Variants in SLX4 observed in about 807,000 individuals in gnomAD.
SLX4 encodes structure-specific endonuclease subunit SLX4.
Under a neutral mutation model 146.2 loss-of-function variants are expected in SLX4, and 112 were observed. The ratio of observed to expected loss-of-function variants is 0.77; its 90% CI spans 0.66 to 0.90. SLX4 has a LOEUF of 0.90. Among genes scored for constraint, SLX4 ranks in the 40% least tolerant of loss-of-function variants. The pLI, the probability that SLX4 is intolerant of heterozygous loss-of-function variation, is 0.00. For synonymous variants in SLX4, 1,061 were observed against 997.7 expected (o/e 1.06, Z -1.20); for missense variants, 2,563 against 2,392.7 (o/e 1.07, Z -1.49).
In SLX4 at chr16:3,608,826, A is replaced by T. The variant is rs763316825; in HGVS notation, c.139T>A (p.Ser47Thr). The change falls in exon 2 of 15, where the codon TCT becomes ACT. Residue 47 changes from serine (S) to threonine (T), a missense_variant. By Grantham distance (58) the Ser-to-Thr change is moderately conservative (BLOSUM62 1). Transcript: ENST00000294008. ...CAGAGTTCTTTAAAGTCCTCATCAG[A>T]CTCATCCATCATCTGACCAGTTTTA... Reference protein sequence around the residue: ...SLKTGQMMDESDEDFKELCAS... With the variant: ...SLKTGQMMDETDEDFKELCAS... The T allele has an allele frequency of 1.2e-6, 2 of 1,613,820 alleles. No homozygotes were observed. Among genetic ancestry groups the T allele is most frequent in the African/African-American group, 2.7e-5 (2 of 74,818 alleles).
Position 3,582,322 on chromosome 16 carries a change from GT to G in SLX4, c.*19del. The G allele has an allele frequency of 6.3e-7, 1 of 1,599,360 alleles. No individual in the cohort carries two copies. The highest frequency in any genetic ancestry group is 8.5e-7 in the Non-Finnish European group (1 of 1,173,490). On this transcript the variant is annotated 3_prime_UTR_variant, in exon 15 of 15. Coordinates refer to ENST00000294008, the MANE Select transcript of SLX4 (RefSeq NM_032444.4). ...TGGGGGCTGCTGATGGCAGGTTGGG[GT>G]GGGGTCGGGATGGCCCCATCAGTTC... is the stretch of plus-strand genomic sequence containing the variant.
Position 3,589,576 on chromosome 16 carries a change from G to A in SLX4, c.4062C>T (p.Ser1354=), listed in dbSNP as rs967380920. The change falls in exon 12 of 15, where the codon TCC becomes TCT. Residue 1354 remains serine, a synonymous_variant. Transcript: ENST00000294008. This position sits in a 1 kb window ranked among gnomAD's most constrained non-coding sequence, Gnocchi z 6.2. ...SRPHPGGHPH[S]SPLAPHPISG... ...AGATGGGATGTGGAGCCAGCGGAGA[G>A]GAGTGCGGGTGGCCCCCGGGGTGGG... The A allele has an allele frequency of 6.2e-7, 1 of 1,613,180 alleles. No individual in the cohort carries two copies. Among genetic ancestry groups the A allele is most frequent in the African/African-American group, 1.3e-5 (1 of 74,932 alleles).
Position 3,599,117 on chromosome 16 carries a change from CAAGA to C in SLX4, c.1164-1122_1164-1119del, listed in dbSNP as rs1319154935. On this transcript the variant is annotated intron_variant, in intron 5 of 14. Transcript: ENST00000294008. ...GCAGGTGCTTTTGGCGTGGTCCTGC[CAAGA>C]AAGAAACAATGGCTTAGATGACGTC... Among the ~76,000 whole-genome samples the C allele has an allele frequency of 2.2e-4, 34 of 152,158 alleles. 1 individual carries two copies.
rs199991212 is a variant in SLX4 at position 3,590,559 on chromosome 16, C to A, written c.3079G>T (p.Ala1027Ser). The change falls in exon 12 of 15, where the codon GCA becomes TCA. Residue 1027 changes from alanine to serine, a missense_variant. Physicochemically the swap from Ala to Ser is moderately conservative, Grantham distance 99. Transcript: ENST00000294008. This position sits in a 1 kb window ranked among gnomAD's most constrained non-coding sequence, Gnocchi z 4.8. ...EVSHRLAPWQ[A>S]SPPHPCRFLL... ...AAGCGGCACGGGTGCGGTGGAGATG[C>A]CTGCCAGGGAGCCAGGCGATGAGAA... is the stretch of plus-strand genomic sequence containing the variant. The A allele has an allele frequency of 6.2e-7, 1 of 1,612,266 alleles. No homozygotes were observed. The highest frequency in any genetic ancestry group is 8.5e-7 in the Non-Finnish European group (1 of 1,178,404).
Position 3,591,059 on chromosome 16 carries a change from G to C in SLX4, c.2579C>G (p.Thr860Ser), listed in dbSNP as rs747515305. 1 of 1,614,140 alleles carries C rather than the reference G, an allele frequency of 6.2e-7. No individual in the cohort carries two copies. The highest frequency in any genetic ancestry group is 1.1e-5 in the South Asian group (1 of 91,088). Reference sequence around the variant, plus strand: ...TTCTTCCTGGAGAAGCTTTCGCTGAGTAGCTGCAAATTCATAAATTTCTTC... The same window carrying C: ...TTCTTCCTGGAGAAGCTTTCGCTGACTAGCTGCAAATTCATAAATTTCTTC... ...EMEEIYEFAA[T>S]QRKLLQEERA... The change falls in exon 12 of 15, where the codon ACT becomes AGT. Residue 860 changes from threonine (T) to serine (S), a missense_variant. By Grantham distance (58) the Thr-to-Ser change is moderately conservative. Coordinates refer to ENST00000294008, the MANE Select transcript of SLX4 (RefSeq NM_032444.4).
rs150206155 is a variant in SLX4 at position 3,594,534 on chromosome 16, G to A, written c.2079C>T (p.Val693=). 4.6e-5 allele frequency: 75 copies of A among 1,614,146 alleles called. No homozygotes were observed. The African/African-American group carries it at 8.0e-4, about 17-fold the overall frequency. The change falls in exon 10 of 15, where the codon GTC becomes GTT. Residue 693 remains valine (V), a synonymous_variant. Transcript: ENST00000294008. ...AMVNNPHLSD[V]QFQTDSGEVL... ...CCTCCCCGCTGTCCGTCTGAAACTGGACATCACTCAGGTGTGGGTTATTGA... is the reference window on the plus strand; with the variant it reads ...CCTCCCCGCTGTCCGTCTGAAACTGAACATCACTCAGGTGTGGGTTATTGA...
chr16:3,605,751 T>C (rs965147534), intron 3 of SLX4, among the ~76,000 whole-genome samples: 3 of 147,492 alleles, frequency 2.0e-5, no homozygotes, highest in Non-Finnish European at 4.5e-5. Context: ...ATCGAGACCA[T>C]CCTGGCTAAC....
At position 3,589,744 on chromosome 16, in the gene SLX4, G is replaced by A. The variant is rs1260811996; in HGVS notation, c.3894C>T (p.Asn1298=). 3 of 1,613,764 alleles carry A rather than the reference G, an allele frequency of 1.9e-6. No homozygotes were observed. Among genetic ancestry groups the A allele is most frequent in the Non-Finnish European group, 2.5e-6 (3 of 1,180,048 alleles). Residue 1298 remains asparagine (N), a synonymous_variant, in exon 12 of 15, where the codon AAC becomes AAT. Transcript: ENST00000294008. This position sits in a 1 kb window ranked among gnomAD's most constrained non-coding sequence, Gnocchi z 6.2. ...TCTGTGCGACTTCGTTCCCTTCCCT[G>A]TTTCCTACTGAGGCCCTGGGCGTGT... The part of the protein sequence containing the change: ...TQHTPRASVG[N]REGNEVAQKF...
rs965203375 is a variant in SLX4 at position 3,589,426 on chromosome 16, C to T, written c.4212G>A (p.Val1404=). The T allele has an allele frequency of 1.9e-6, 3 of 1,602,802 alleles. No individual in the cohort carries two copies. The African/African-American group carries it at 4.0e-5, about 21-fold the overall frequency. ...GGCTTCTGTTGGCCTGATGGGAGGCCACCTCCTGCTCATCGTCACTGTCTC... is the reference window on the plus strand; with the variant it reads ...GGCTTCTGTTGGCCTGATGGGAGGCTACCTCCTGCTCATCGTCACTGTCTC... The part of the protein sequence containing the change: ...EVGDSDDEQE[V]ASHQANRSPP... The change falls in exon 12 of 15, where the codon GTG becomes GTA. Residue 1404 remains valine (V), a synonymous_variant. Transcript: ENST00000294008. The surrounding 1 kb of genome is among the most constrained non-coding windows in gnomAD (Gnocchi z 6.2).
Position 3,584,806 on chromosome 16 carries a change from T to C in SLX4, c.4702A>G (p.Ile1568Val). Residue 1568 changes from isoleucine (I) to valine (V), a missense_variant, in exon 13 of 15, where the codon ATT (isoleucine) becomes GTT (valine). Coordinates refer to ENST00000294008, the MANE Select transcript of SLX4 (RefSeq NM_032444.4). ...VPITPMPQYSIMETPVLKKEL... is the reference protein window; with the variant it reads ...VPITPMPQYSVMETPVLKKEL... Reference sequence around the variant, plus strand: ...TTCTTCAGCACCGGCGTCTCCATAATGGAATACTGTGGCATCGGCGTTATG... The same window carrying C: ...TTCTTCAGCACCGGCGTCTCCATAACGGAATACTGTGGCATCGGCGTTATG... The C allele has an allele frequency of 6.2e-7, 1 of 1,614,134 alleles. No homozygotes were observed. The highest frequency in any genetic ancestry group is 8.5e-7 in the Non-Finnish European group (1 of 1,179,962).
rs1596527585 is a variant in SLX4 at position 3,597,574 on chromosome 16, T to C, written c.1488A>G (p.Glu496=). The C allele has an allele frequency of 6.2e-7, 1 of 1,614,104 alleles. No homozygotes were observed. Among genetic ancestry groups the C allele is most frequent in the Non-Finnish European group, 8.5e-7 (1 of 1,180,026 alleles). Residue 496 remains glutamate, a synonymous_variant, in exon 7 of 15, where the codon GAA becomes GAG. Coordinates refer to ENST00000294008, the MANE Select transcript of SLX4 (RefSeq NM_032444.4). This position sits in a 1 kb window ranked among gnomAD's most constrained non-coding sequence, Gnocchi z 4.4. Reference sequence around the variant, plus strand: ...CAGGAAGTGGTGGCGTGCTAGACAATTCCACTTCCTCAGAGAGGAGCAGGG... The same window carrying C: ...CAGGAAGTGGTGGCGTGCTAGACAACTCCACTTCCTCAGAGAGGAGCAGGG... The part of the protein sequence containing the change: ...RVALLLSEEV[E]LSSTPPLPAS...
intron 5 of SLX4, 47 bp from the exon 6 acceptor site, chr16:3,598,046 C>G: frequency 3.7e-6 from 6 of 1,609,674 alleles, no homozygotes; most frequent in Non-Finnish European, 4.3e-6. Flanking sequence ...GAGGAGTGCA[C>G]GCTTCTCAGG....
At chr16:3,588,024 G>C (rs551420118) in intron 12 of SLX4, among the ~76,000 whole-genome samples, 2 of 152,308 alleles carry the variant, frequency 1.3e-5, no homozygotes, top group Non-Finnish European at 2.9e-5. Flanking sequence ...GCACCTGGGA[G>C]GACCAGGAAG....
At chr16:3,607,245 C>G (rs2040796686) in intron 2 of SLX4, among the ~76,000 whole-genome samples, 1 of 152,106 alleles carries the variant, frequency 6.6e-6, no homozygotes, top group Non-Finnish European at 1.5e-5. Flanking sequence ...TAGATTTCAT[C>G]CGACTGGCAA....
At chr16:3,605,946 CAAAAAA>C (rs1181232820) in intron 3 of SLX4, among the ~76,000 whole-genome samples, 2 of 27,014 alleles carry the variant, frequency 7.4e-5, no homozygotes, top group African/African-American at 3.0e-4. Context: ...GACTCCATCT[CAAAAAA>C]AAAAAAAAAA....
rs1337890338 is a variant in SLX4, at chr16:3,594,616, G to A, written c.2014-17C>T. The stretch of plus-strand genomic sequence containing the variant: ...GAGGGAGAGCTGAAGCAGGAGGAGA[G>A]GAAGAGCCGTCACCTCCCCACCTCT... On this transcript the variant is annotated splice_polypyrimidine_tract_variant and intron_variant, in intron 9 of 14. Coordinates refer to ENST00000294008, the MANE Select transcript of SLX4 (RefSeq NM_032444.4). 7 of 1,613,926 alleles carry A rather than the reference G, an allele frequency of 4.3e-6. No homozygotes were observed. Among genetic ancestry groups the A allele is most frequent in the Non-Finnish European group, 4.2e-6 (5 of 1,179,934 alleles).
At position 3,608,715 on chromosome 16, in the gene SLX4, T is replaced by A. The variant is rs745886810; in HGVS notation, c.250A>T (p.Thr84Ser). ...CTTTTCAATTTGCTTCTTATCTGAG[T>A]GCCGTTTGAGGCAGCCTTTTGTGTC... ...RKTQKAASNGTQIRSKLKRTK... is the reference protein window; with the variant it reads ...RKTQKAASNGSQIRSKLKRTK... The change falls in exon 2 of 15, where the codon ACT (threonine) becomes TCT (serine). Residue 84 changes from threonine to serine, a missense_variant. By Grantham distance (58) the Thr-to-Ser change is moderately conservative. Transcript: ENST00000294008. The A allele has an allele frequency of 1.2e-6, 2 of 1,614,250 alleles. No homozygotes were observed. The highest frequency in any genetic ancestry group is 2.2e-5 in the East Asian group (1 of 44,890).
At position 3,583,140 on chromosome 16, in the gene SLX4, C is replaced by A. The variant is rs925871189; in HGVS notation, c.5110G>T (p.Ala1704Ser). ...CTGTCACTGCCATCCACAGAGGTGG[C>A]CACGGATTCTTGAGAGGCTGGGATC... ...AQIPASQESVATSVDGSDSSL... is the reference protein window; with the variant it reads ...AQIPASQESVSTSVDGSDSSL... The change falls in exon 14 of 15, where the codon GCC becomes TCC. Residue 1704 changes from alanine to serine, a missense_variant. Ala to Ser is a moderately conservative substitution (Grantham distance 99). Transcript: ENST00000294008. 1.2e-6 allele frequency: 2 copies of A among 1,614,124 alleles called. No homozygotes were observed. Among genetic ancestry groups the A allele is most frequent in the Admixed American group, 3.3e-5 (2 of 60,002 alleles).
At chr16:3,596,000 G>C (rs886529802) in intron 8 of SLX4, among the ~76,000 whole-genome samples, 153 bp downstream of exon 8, 1 of 152,218 alleles carries the variant, frequency 6.6e-6, no homozygotes, top group African/African-American at 2.4e-5. Context: ...TGACCTTTGA[G>C]AAAAAATGAA....
Sources: allele counts gnomAD v4.1 joint callset (sites outside exome capture counted in the v4.1 genomes callset), GRCh38; gene constraint gnomAD v4.1.1; non-coding constraint Gnocchi (gnomAD v3.1); transcripts MANE v1.5; gene names NCBI Gene and HGNC (gene_info 2026-07-23, HGNC 2026-07-21).